SIM2: variants seen among roughly 807,000 people sequenced by gnomAD.
SIM2 encodes single-minded homolog 2.
Under a neutral mutation model 64.8 loss-of-function variants are expected in SIM2, and 28 were observed. The ratio of observed to expected loss-of-function variants is 0.43; its 90% CI spans 0.32 to 0.59. The LOEUF is 0.59. Among genes scored for constraint, SIM2 ranks in the 20% least tolerant of loss-of-function variants. The pLI is 0.07. For synonymous variants in SIM2, 408 were observed against 391.1 expected (o/e 1.04, Z -0.51); for missense variants, 847 against 871.4 (o/e 0.97, Z 0.35).
Position 36,743,553 on chromosome 21 carries a change from C to A in SIM2, c.1165C>A (p.Gln389Lys), listed in dbSNP as rs753867260. Residue 389 changes from glutamine to lysine, a missense_variant and splice_region_variant, in exon 9 of 11, where the codon CAG (glutamine) becomes AAG (lysine). By Grantham distance (53) the Gln-to-Lys change is moderately conservative. Around this residue, in one of 3 missense-constraint regions of SIM2, gnomAD observed 447 missense variants for 414.6 expected, o/e 1.08. Transcript: ENST00000290399. ...GCTGAGAACAAACCCTTACCCCCCACAGGTAACACGCATGTCCTGCAGTTT... is the reference window on the plus strand; with the variant it reads ...GCTGAGAACAAACCCTTACCCCCCAAAGGTAACACGCATGTCCTGCAGTTT... ...TKLRTNPYPP[Q>K]QYSSFQMDKL... The A allele has an allele frequency of 3.1e-6, 5 of 1,613,130 alleles. No homozygotes were observed. The South Asian group carries it at 5.5e-5, about 18-fold the overall frequency.
At chr21:36,732,180 G>T (rs992852788) in intron 7 of SIM2, among the ~76,000 whole-genome samples, 1 of 152,220 alleles carries the variant, frequency 6.6e-6, no homozygotes, top group Non-Finnish European at 1.5e-5. Flanking sequence ...ACCGCACCCA[G>T]CCACACACTT....
rs1170535749 is a variant in SIM2, at chr21:36,745,459, T to C, written c.1576+323T>C. 65 of 1,225,134 alleles carry C rather than the reference T, an allele frequency of 5.3e-5. No individual in the cohort carries two copies. Among genetic ancestry groups the C allele is most frequent in the Non-Finnish European group, 6.6e-5 (64 of 967,880 alleles). 75.9% of individuals were successfully genotyped at this position (1,225,134 alleles called of 1,614,324 possible). A position where few individuals can be genotyped will look rare whatever the true frequency, so the allele number is the denominator to read the frequency against. The stretch of plus-strand genomic sequence containing the variant: ...CAGTGATTTTCAAAACCAGCTCCCA[T>C]GTGCTGAGAACACCCCAGCTGCATT... On this transcript the variant is annotated intron_variant, in intron 10 of 10. Transcript: ENST00000290399. This position sits in a 1 kb window ranked among gnomAD's most constrained non-coding sequence, Gnocchi z 4.8.
chr21:36,709,110 C>T lies in SIM2; in HGVS notation c.176-58C>T. ...CAGGGGTTCCGCGTGACCTGCCCGG[C>T]TCCCAGGCATCGGGCTGGGCGCTGC... On this transcript the variant is annotated intron_variant, in intron 1 of 10. Coordinates refer to ENST00000290399, the MANE Select transcript of SIM2 (RefSeq NM_005069.6). 3 of 1,463,582 alleles carry T rather than the reference C, an allele frequency of 2.0e-6. No homozygotes were observed. The African/African-American group carries it at 4.2e-5, about 20-fold the overall frequency. 90.7% of individuals were successfully genotyped at this position (1,463,582 alleles called of 1,614,324 possible). A position where few individuals can be genotyped will look rare whatever the true frequency, so the allele number is the denominator to read the frequency against.
At chr21:36,736,774 T>TTCTTTC (rs1233616884) in intron 7 of SIM2, among the ~76,000 whole-genome samples, 1 of 23,282 alleles carries the variant, frequency 4.3e-5, no homozygotes, top group South Asian at 1.5e-3. Context: ...CCTTTCTTCT[T>TTCTTTC]TCTTTCTTTT....
Position 36,744,893 on chromosome 21 carries a change from G to C in SIM2, c.1333G>C (p.Gly445Arg). The change falls in exon 10 of 11, where the codon GGA becomes CGA. Residue 445 changes from glycine to arginine, a missense_variant. Physicochemically the swap from Gly to Arg is moderately radical, Grantham distance 125. This residue lies in a region of SIM2 where 447 missense variants were observed against 414.6 expected (regional missense o/e 1.08). Coordinates refer to ENST00000290399, the MANE Select transcript of SIM2 (RefSeq NM_005069.6). ...CAGCCTGCCCTTCTCCTACCATTACGGACACTTCCCTCTGGACTCTCACGT... is the reference window on the plus strand; with the variant it reads ...CAGCCTGCCCTTCTCCTACCATTACCGACACTTCCCTCTGGACTCTCACGT... ...SYSLPFSYHY[G>R]HFPLDSHVFS... is the part of the protein sequence containing the mutation. 2 of 1,614,216 alleles carry C rather than the reference G, an allele frequency of 1.2e-6. No homozygotes were observed. The highest frequency in any genetic ancestry group is 1.3e-5 in the African/African-American group (1 of 75,056).
chr21:36,728,646 G>T (rs1224775863), intron 6 of SIM2, among the ~76,000 whole-genome samples: 1 of 152,336 alleles, frequency 6.6e-6, no homozygotes, highest in East Asian at 1.9e-4. Context: ...GGGCTGAAAG[G>T]GGTCAGAAGA....
chr21:36,716,382 G>T (rs979289398), intron 3 of SIM2, among the ~76,000 whole-genome samples: 7 of 110,562 alleles, frequency 6.3e-5, no homozygotes, highest in African/African-American at 2.0e-4. Flanking sequence ...GTAAGAAATA[G>T]CTATTTATGA....
In SIM2 at chr21:36,709,179, G is replaced by A. The variant is rs369631270; in HGVS notation, c.187G>A (p.Ala63Thr). The change falls in exon 2 of 11, where the codon GCG becomes ACG. Residue 63 changes from alanine (A) to threonine (T), a missense_variant. Around this residue, in one of 3 missense-constraint regions of SIM2, gnomAD observed 397 missense variants for 439.2 expected, o/e 0.90. Coordinates refer to ENST00000290399, the MANE Select transcript of SIM2 (RefSeq NM_005069.6). ...CGTCCCTCGTCCAGGTTTAGGAGAC[G>A]CGTGGGGACAGCCGAGCCGCGCCGG... ...RAVFPEGLGDAWGQPSRAGPL... is the reference protein window; with the variant it reads ...RAVFPEGLGDTWGQPSRAGPL... The A allele has an allele frequency of 2.1e-5, 34 of 1,609,240 alleles. No homozygotes were observed. Among genetic ancestry groups the A allele is most frequent in the Middle Eastern group, 3.3e-4 (2 of 6,044 alleles).
chr21:36,720,565 A>G (rs1021750975), intron 4 of SIM2: 1 of 152,318 alleles, frequency 6.6e-6, no homozygotes, highest in Non-Finnish European at 1.5e-5. Flanking sequence ...ATGTATTAAT[A>G]AAGCAGCACA....
chr21:36,743,945 G>C (rs1412682974), intron 9 of SIM2, among the ~76,000 whole-genome samples: 1 of 152,176 alleles, frequency 6.6e-6, no homozygotes, highest in African/African-American at 2.4e-5. Flanking sequence ...TAGTTTGTGA[G>C]CTCTCAGAAA....
chr21:36,747,990 C>T lies in SIM2; in HGVS notation c.1902C>T (p.Gly634=), dbSNP rs2089256925. Residue 634 remains glycine (G), a synonymous_variant, in exon 11 of 11, where the codon GGC becomes GGT. Transcript: ENST00000290399. This position sits in a 1 kb window ranked among gnomAD's most constrained non-coding sequence, Gnocchi z 4.5. ...CCGGCGGCCCCGAGGCGGCGACCGGCGCGCTGCGGCTCCGGCACCCGAGCC... is the reference window on the plus strand; with the variant it reads ...CCGGCGGCCCCGAGGCGGCGACCGGTGCGCTGCGGCTCCGGCACCCGAGCC... ...CAPGGPEAAT[G]ALRLRHPSPA... is the part of the protein sequence containing the mutation. 1.9e-6 allele frequency: 2 copies of T among 1,077,846 alleles called. No homozygotes were observed. Among genetic ancestry groups the T allele is most frequent in the Non-Finnish European group, 2.2e-6 (2 of 890,964 alleles). 66.8% of individuals were successfully genotyped at this position (1,077,846 alleles called of 1,614,324 possible).
intron 7 of SIM2, among the ~76,000 whole-genome samples, chr21:36,740,811 G>A (rs892343253): frequency 1.3e-5 from 2 of 152,216 alleles, no homozygotes; most frequent in African/African-American, 4.8e-5. Flanking sequence ...CTCTGCTCAG[G>A]CAGCTGCTAG....
At chr21:36,721,809 C>T (rs537010320) in intron 4 of SIM2, among the ~76,000 whole-genome samples, 59 of 152,238 alleles carry the variant, frequency 3.9e-4, no homozygotes, top group African/African-American at 1.4e-3. Context: ...TTTACCCTGC[C>T]TGGGTCATAA....
chr21:36,726,629 A>G lies in SIM2; in HGVS notation c.743+311A>G, dbSNP rs534552669. On this transcript the variant is annotated intron_variant, in intron 6 of 10. Transcript: ENST00000290399. This position sits in a 1 kb window ranked among gnomAD's most constrained non-coding sequence, Gnocchi z 4.5. ...AATCACTAGAGTTTGAAATGAAAAC[A>G]TGGGCTGTGAGCACAGGTTGGGCTT... 2.0e-5 allele frequency among the ~76,000 whole-genome samples: 3 copies of G among 152,334 alleles called. No homozygotes were observed. The highest frequency in any genetic ancestry group is 4.4e-5 in the Non-Finnish European group (3 of 68,038).
chr21:36,727,716 G>C (rs2088911579), intron 6 of SIM2, among the ~76,000 whole-genome samples: 1 of 152,196 alleles, frequency 6.6e-6, no homozygotes, highest in Non-Finnish European at 1.5e-5. Context: ...GTCTTTGGCG[G>C]GGGGAGGAGA....
intron 5 of SIM2, among the ~76,000 whole-genome samples, chr21:36,724,736 A>G (rs918890336): frequency 1.3e-5 from 2 of 152,230 alleles, no homozygotes; most frequent in East Asian, 1.9e-4. Context: ...AAGATGATGA[A>G]TGCATTCAGA....
At chr21:36,729,139 G>A (rs1601701751) in intron 6 of SIM2, among the ~76,000 whole-genome samples, 1 of 152,280 alleles carries the variant, frequency 6.6e-6, no homozygotes, top group East Asian at 1.9e-4. Flanking sequence ...TAATACATGT[G>A]TTTCTGATTC....
In SIM2 at chr21:36,745,296, T is replaced by G; in HGVS notation, c.1576+160T>G. ...TAGGGCTTGCTGTGCTTTCTTGCTCTCAATGCAGGTGCTCCTCGAGAGTGA... is the reference window on the plus strand; with the variant it reads ...TAGGGCTTGCTGTGCTTTCTTGCTCGCAATGCAGGTGCTCCTCGAGAGTGA... On this transcript the variant is annotated intron_variant, in intron 10 of 10. Coordinates refer to ENST00000290399, the MANE Select transcript of SIM2 (RefSeq NM_005069.6). The surrounding 1 kb of genome is among the most constrained non-coding windows in gnomAD (Gnocchi z 4.8). The G allele has an allele frequency of 6.9e-7, 1 of 1,453,070 alleles. No individual in the cohort carries two copies. The allele number at this position is 1,453,070 out of a possible 1,614,324, so 90.0% of individuals were successfully genotyped here. A position where few individuals can be genotyped will look rare whatever the true frequency, so the allele number is the denominator to read the frequency against.
intron 1 of SIM2, chr21:36,701,264 G>A (rs1215087043): frequency 6.6e-6 from 1 of 152,336 alleles, no homozygotes; most frequent in Non-Finnish European, 1.5e-5. Flanking sequence ...GGTGTCCCTA[G>A]GCCGCAGGGC....
Sources: gnomAD v4.1 joint callset for allele counts (sites outside exome capture counted in the v4.1 genomes callset) on GRCh38, gnomAD v4.1.1 for gene constraint, gnomAD v4.1.1 regional missense constraint, Gnocchi (gnomAD v3.1) non-coding constraint, MANE v1.5 for transcripts, NCBI Gene and HGNC (gene_info 2026-07-23, HGNC 2026-07-21) for gene names.